Variants in PLEKHA5 observed in about 807,000 individuals in gnomAD.
PLEKHA5 encodes the protein pleckstrin homology domain containing A5, also known as pleckstrin homology domain-containing family A member 5.
PLEKHA5 carries 55 observed loss-of-function variants against 181.9 expected under a neutral mutation model. That is an observed-to-expected ratio of 0.30 (90% CI 0.24 to 0.38). PLEKHA5 has a LOEUF of 0.38. Ranked by LOEUF, PLEKHA5 falls within the 10% of genes least tolerant of loss-of-function variation. PLEKHA5 has a pLI of 1.00. For missense variants in PLEKHA5, 1,432 were observed against 1,549.5 expected, an observed-to-expected ratio of 0.92 and a Z score of 1.27; for synonymous variants, 535 against 529.4, an observed-to-expected ratio of 1.01 and a Z score of -0.15.
At chr12:19,227,664 C>T (rs1180554543) in intron 3 of PLEKHA5, among the ~76,000 whole-genome samples, 2 of 152,280 alleles carry the variant, frequency 1.3e-5, no homozygotes, top group East Asian at 3.9e-4. Flanking sequence ...GCCTAATTAA[C>T]ATGCCTGTAC....
chr12:19,173,911 A>G (rs935728557), intron 3 of PLEKHA5, among the ~76,000 whole-genome samples: 1 of 152,194 alleles, frequency 6.6e-6, no homozygotes, highest in African/African-American at 2.4e-5. Flanking sequence ...GGAGGTTTTT[A>G]CCTTTCAGGA....
chr12:19,343,737 G>A (rs1032160945), intron 22 of PLEKHA5, among the ~76,000 whole-genome samples: 1 of 152,076 alleles, frequency 6.6e-6, no homozygotes, highest in African/African-American at 2.4e-5. Context: ...CTGACATGAG[G>A]GCAACAACTA....
intron 3 of PLEKHA5, among the ~76,000 whole-genome samples, chr12:19,246,127 C>T (rs868390697): frequency 6.6e-6 from 1 of 151,090 alleles, no homozygotes; most frequent in Non-Finnish European, 1.5e-5. Context: ...TACAGGCGCC[C>T]GCCACCACAC....
At position 19,297,757 on chromosome 12, in the gene PLEKHA5, T is replaced by A. The variant is rs866946105; in HGVS notation, c.2037+6060T>A. Among the ~76,000 whole-genome samples the A allele has an allele frequency of 2.3e-3, 344 of 151,174 alleles. 1 individual carries two copies. Among genetic ancestry groups the A allele is most frequent in the African/African-American group, 5.3e-3 (220 of 41,420 alleles). On this transcript the variant is annotated intron_variant, in intron 15 of 31. Transcript: ENST00000429027. ...ATAATTTACCAGTAAATTATTATTTTTTTTTTTTTTTTGAGAATGAAAAAC... is the reference window on the plus strand; with the variant it reads ...ATAATTTACCAGTAAATTATTATTTATTTTTTTTTTTTGAGAATGAAAAAC...
At position 19,274,549 on chromosome 12, in the gene PLEKHA5, T is replaced by C. The variant is rs1247521705; in HGVS notation, c.879T>C (p.Thr293=). 1 of 1,609,652 alleles carries C rather than the reference T, an allele frequency of 6.2e-7. No homozygotes were observed. ...VDKITSENAP[T]KETNNIPNHR... is the part of the protein sequence containing the mutation. ...AGATTACATCTGAAAATGCACCAAC[T>C]AAAGAAACCAATAACATTCCCAACC... The change falls in exon 11 of 32, where the codon ACT becomes ACC. Residue 293 remains threonine (T), a synonymous_variant. Coordinates refer to ENST00000429027, the MANE Select transcript of PLEKHA5 (RefSeq NM_001256470.2).
intron 3 of PLEKHA5, among the ~76,000 whole-genome samples, chr12:19,187,472 T>G (rs1048673671): frequency 3.9e-5 from 6 of 152,170 alleles, no homozygotes; most frequent in South Asian, 4.1e-4. Flanking sequence ...CTAGAGGAAC[T>G]GTTTCCAGGT....
intron 10 of PLEKHA5, among the ~76,000 whole-genome samples, chr12:19,273,137 G>C (rs1481950239): frequency 1.3e-5 from 2 of 152,072 alleles, no homozygotes; most frequent in Non-Finnish European, 2.9e-5. Flanking sequence ...TCAAACACCT[G>C]ATCTTAGGTG....
At chr12:19,259,516 C>T (rs958760064) in intron 6 of PLEKHA5, among the ~76,000 whole-genome samples, 4 of 152,050 alleles carry the variant, frequency 2.6e-5, no homozygotes, top group African/African-American at 7.2e-5. Context: ...TTTGGGAGGC[C>T]AAGGTGGGTG....
chr12:19,253,833 A>G (rs1045691981), intron 3 of PLEKHA5, 107 bp from the exon 4 acceptor site: 3 of 791,752 alleles, frequency 3.8e-6, no homozygotes, highest in Non-Finnish European at 6.3e-6. Context: ...AAACAAAAAA[A>G]AAGGCTGGAA....
At chr12:19,269,908 AT>A (rs2072040468) in intron 9 of PLEKHA5, 23 bp downstream of exon 9, 1 of 1,241,418 alleles carries the variant, frequency 8.1e-7, no homozygotes, top group Non-Finnish European at 1.2e-6. Flanking sequence ...AGAAAAAATG[AT>A]GGTGATTTCC....
intron 26 of PLEKHA5, among the ~76,000 whole-genome samples, chr12:19,357,938 T>C (rs2095041183): frequency 6.6e-6 from 1 of 150,982 alleles, no homozygotes; most frequent in Admixed American, 6.6e-5. Flanking sequence ...CCACTCCTGG[T>C]CCATATTTTT....
rs759456293 is a variant in PLEKHA5 at position 19,129,898 on chromosome 12, C to A, written c.89+10C>A. The stretch of plus-strand genomic sequence containing the variant: ...GAGTCTTCTTCATCAAGTAAAGAGC[C>A]GGGGACGGCACGGGGGCCCGCGGGG... On this transcript the variant is annotated intron_variant, in intron 1 of 31. Transcript: ENST00000429027. 1.3e-6 allele frequency: 2 copies of A among 1,597,014 alleles called. No homozygotes were observed. The highest frequency in any genetic ancestry group is 3.4e-5 in the Admixed American group (2 of 58,926).
chr12:19,233,035 G>T (rs139591048), intron 3 of PLEKHA5, among the ~76,000 whole-genome samples: 488 of 152,218 alleles, frequency 3.2e-3, no homozygotes, highest in African/African-American at 0.011. Flanking sequence ...ATTTCTGTAA[G>T]CTGATTTACC....
At chr12:19,259,954 G>A (rs956807563) in intron 6 of PLEKHA5, among the ~76,000 whole-genome samples, 9 of 151,590 alleles carry the variant, frequency 5.9e-5, no homozygotes, top group South Asian at 2.1e-4. Flanking sequence ...CTGGCCTCTC[G>A]TTTTTTCTTT....
At chr12:19,145,089 C>A (rs577217538) in intron 3 of PLEKHA5, among the ~76,000 whole-genome samples, 204 of 152,230 alleles carry the variant, frequency 1.3e-3, no homozygotes, top group Non-Finnish European at 2.3e-3. Context: ...ACATGAGGAT[C>A]AAAGTACCTA....
At position 19,297,746 on chromosome 12, in the gene PLEKHA5, A is replaced by AATT. The variant is rs1309083748; in HGVS notation, c.2037+6056_2037+6058dup. On this transcript the variant is annotated intron_variant, in intron 15 of 31. Coordinates refer to ENST00000429027, the MANE Select transcript of PLEKHA5 (RefSeq NM_001256470.2). ...AATCCTTCTTTATAATTTACCAGTA[A>AATT]ATTATTATTTTTTTTTTTTTTTTGA... 2.4e-4 allele frequency among the ~76,000 whole-genome samples: 31 copies of AATT among 128,974 alleles called. 1 individual carries two copies. The highest frequency in any genetic ancestry group is 8.0e-4 in the African/African-American group (30 of 37,386). 84.6% of individuals were successfully genotyped at this position (128,974 alleles called of 152,430 possible). A position where few individuals can be genotyped will look rare whatever the true frequency, so the allele number is the denominator to read the frequency against.
In PLEKHA5 at chr12:19,343,345, G is replaced by A. The variant is rs142164989; in HGVS notation, c.2573G>A (p.Arg858His). The change falls in exon 22 of 32, where the codon CGT (arginine) becomes CAT (histidine). Residue 858 changes from arginine to histidine, a missense_variant. Physicochemically the swap from Arg to His is conservative, Grantham distance 29. Transcript: ENST00000429027. ...EVQTESAGIQ[R>H]AQIQKELWRI... Reference sequence around the variant, plus strand: ...TAGACGGAATCAGCAGGAATTCAGCGTGCACAGATTCAGAAAGAACTTTGG... The same window carrying A: ...TAGACGGAATCAGCAGGAATTCAGCATGCACAGATTCAGAAAGAACTTTGG... 51 of 1,612,792 alleles carry A rather than the reference G, an allele frequency of 3.2e-5. 1 individual carries two copies. The South Asian group carries it at 3.2e-4, about 10-fold the overall frequency.
intron 3 of PLEKHA5, among the ~76,000 whole-genome samples, chr12:19,233,109 A>G (rs1371151739): frequency 6.6e-6 from 1 of 152,102 alleles, no homozygotes; most frequent in Non-Finnish European, 1.5e-5. Context: ...AAGACACTAT[A>G]TTTTCAAATT....
At chr12:19,258,267 C>T (rs1305849193) in intron 6 of PLEKHA5, among the ~76,000 whole-genome samples, 6 of 152,056 alleles carry the variant, frequency 3.9e-5, no homozygotes, top group African/African-American at 1.4e-4. Flanking sequence ...CAGTTTGCAG[C>T]TAGGTTTCAG....
Sources: gnomAD v4.1 joint callset for allele counts (sites outside exome capture counted in the v4.1 genomes callset) on GRCh38, gnomAD v4.1.1 for gene constraint, MANE v1.5 for transcripts, NCBI Gene and HGNC (gene_info 2026-07-23, HGNC 2026-07-21) for gene names.